Variants in EEFSEC observed in about 807,000 individuals in gnomAD.
EEFSEC encodes the protein eukaryotic elongation factor, selenocysteine-tRNA specific.
In EEFSEC, 43 loss-of-function variants were observed where a neutral mutation model predicts 42.1. That is an observed-to-expected ratio of 1.02 (90% CI 0.80 to 1.32). The LOEUF (loss-of-function observed/expected upper bound fraction) is 1.32. Among genes scored for constraint, EEFSEC ranks in the 40% most tolerant of loss-of-function variants. The pLI, the probability that EEFSEC is intolerant of heterozygous loss-of-function variation, is 0.00. For synonymous variants in EEFSEC, 354 were observed against 339.1 expected (o/e 1.04, Z -0.48); for missense variants, 745 against 803.6 (o/e 0.93, Z 0.88).
In EEFSEC at chr3:128,399,862, G is replaced by A. The variant is rs147075975; in HGVS notation, c.1601-8207G>A. 4.6e-5 allele frequency among the ~76,000 whole-genome samples: 7 copies of A among 152,118 alleles called. No homozygotes were observed. In the East Asian group the frequency reaches 5.8e-4, roughly 13 times the overall value. On this transcript the variant is annotated intron_variant, in intron 6 of 6. Transcript: ENST00000254730. ...CCCTCATCGCCTCTGCCTGTCCTCC[G>A]GGCCCGGGCTGCCCTGCCCTGCTAG...
At chr3:128,215,843 G>A (rs574893189) in intron 1 of EEFSEC, among the ~76,000 whole-genome samples, 1 of 152,152 alleles carries the variant, frequency 6.6e-6, no homozygotes, top group Non-Finnish European at 1.5e-5. Context: ...TTTCTGCCAA[G>A]TTTGCCCCTC....
intron 4 of EEFSEC, among the ~76,000 whole-genome samples, chr3:128,300,511 C>G (rs182181731): frequency 1.2e-3 from 168 of 145,740 alleles, no homozygotes; most frequent in African/African-American, 4.2e-3. Context: ...GAGAATCACT[C>G]CAGCTTGGTG....
At chr3:128,194,895 A>AT (rs961019944) in intron 1 of EEFSEC, among the ~76,000 whole-genome samples, 10 of 152,096 alleles carry the variant, frequency 6.6e-5, no homozygotes, top group African/African-American at 2.4e-4. Flanking sequence ...TTTATAAAGA[A>AT]TTTTTTTTCC....
chr3:128,245,367 G>T (rs1003075054), intron 1 of EEFSEC, among the ~76,000 whole-genome samples: 6 of 152,222 alleles, frequency 3.9e-5, no homozygotes, highest in African/African-American at 9.7e-5. Flanking sequence ...TAGAGTCAGT[G>T]TCCATCCCCT....
At chr3:128,207,686 A>G (rs2065713415) in intron 1 of EEFSEC, among the ~76,000 whole-genome samples, 1 of 152,164 alleles carries the variant, frequency 6.6e-6, no homozygotes, top group African/African-American at 2.4e-5. Context: ...CAAAGCAGGA[A>G]CACAGGGTGC....
intron 6 of EEFSEC, among the ~76,000 whole-genome samples, chr3:128,385,399 G>T (rs536461445): frequency 8.5e-5 from 13 of 152,196 alleles, no homozygotes; most frequent in Admixed American, 8.5e-4. Context: ...GCTGCCCTGG[G>T]AATGCAGGCC....
At chr3:128,272,958 T>C (rs1246738005) in intron 4 of EEFSEC, among the ~76,000 whole-genome samples, 2 of 152,192 alleles carry the variant, frequency 1.3e-5, no homozygotes, top group Admixed American at 6.5e-5. Context: ...TGGACTATGT[T>C]TGAGTCCTGC....
intron 6 of EEFSEC, among the ~76,000 whole-genome samples, chr3:128,388,730 C>T (rs111640630): frequency 1.2e-4 from 19 of 152,368 alleles, no homozygotes; most frequent in African/African-American, 2.6e-4. Context: ...CCGGCCAGAG[C>T]GTCTAGCAGA....
chr3:128,223,982 TAA>T (rs11410600), intron 1 of EEFSEC, among the ~76,000 whole-genome samples: 3 of 151,556 alleles, frequency 2.0e-5, no homozygotes, highest in South Asian at 2.1e-4. Context: ...ATGTTCCATT[TAA>T]AAAAAAAACA....
intron 6 of EEFSEC, among the ~76,000 whole-genome samples, chr3:128,363,400 A>T (rs190790759): frequency 1.3e-5 from 2 of 152,342 alleles, no homozygotes; most frequent in Admixed American, 1.3e-4. Flanking sequence ...ACTCTGCTCG[A>T]GACTCCCCAC....
At chr3:128,308,882 C>T (rs1268379886) in intron 4 of EEFSEC, among the ~76,000 whole-genome samples, 1 of 152,198 alleles carries the variant, frequency 6.6e-6, no homozygotes. Context: ...TTAGCTTCCC[C>T]GTCTGTGAAA....
rs56814892 is a variant in EEFSEC, at chr3:128,399,596, C to G, written c.1601-8473C>G. ...AGAGAAAACCAAGGAGCCGGCCCCC[C>G]CCAGCCAGCGACGTTAAAGGCTTTA... is the stretch of plus-strand genomic sequence containing the variant. On this transcript the variant is annotated intron_variant, in intron 6 of 6. Coordinates refer to ENST00000254730, the MANE Select transcript of EEFSEC (RefSeq NM_021937.5). 5.0e-4 allele frequency among the ~76,000 whole-genome samples: 76 copies of G among 152,136 alleles called. No homozygotes were observed. In the East Asian group the frequency reaches 8.3e-3, roughly 17 times the overall value.
rs2066778681 is a variant in EEFSEC at position 128,302,400 on chromosome 3, A to G, written c.786+37619A>G. On this transcript the variant is annotated intron_variant, in intron 4 of 6. Coordinates refer to ENST00000254730, the MANE Select transcript of EEFSEC (RefSeq NM_021937.5). The stretch of plus-strand genomic sequence containing the variant: ...GTTAGTGCCCCTTGTCTGGTGCTTC[A>G]GATGGTAGGAGAGGTTGATCCTGCA... Among the ~76,000 whole-genome samples, 5 of 152,216 alleles carry G rather than the reference A, an allele frequency of 3.3e-5. No individual in the cohort carries two copies. The South Asian group carries it at 6.2e-4, about 19-fold the overall frequency.
At chr3:128,228,199 CA>C (rs2065926519) in intron 1 of EEFSEC, among the ~76,000 whole-genome samples, 1 of 152,154 alleles carries the variant, frequency 6.6e-6, no homozygotes, top group African/African-American at 2.4e-5. Flanking sequence ...TAAGGTGGCC[CA>C]GGTCCCTGTC....
At chr3:128,323,934 T>A (rs2067035677) in intron 4 of EEFSEC, among the ~76,000 whole-genome samples, 1 of 152,192 alleles carries the variant, frequency 6.6e-6, no homozygotes, top group South Asian at 2.1e-4. Flanking sequence ...TCCCCCCCTG[T>A]GGCAGGGGCT....
chr3:128,376,710 A>G (rs1277189083), intron 6 of EEFSEC, among the ~76,000 whole-genome samples: 1 of 152,154 alleles, frequency 6.6e-6, no homozygotes, highest in African/African-American at 2.4e-5. Flanking sequence ...TGTGTGGTGG[A>G]AAGATGATCC....
intron 6 of EEFSEC, among the ~76,000 whole-genome samples, chr3:128,365,779 C>A (rs1384829941): frequency 6.6e-6 from 1 of 152,242 alleles, no homozygotes; most frequent in Non-Finnish European, 1.5e-5. Context: ...GGCTGTGCCA[C>A]AAGGACCTCT....
At chr3:128,376,900 G>A (rs1256011074) in intron 6 of EEFSEC, among the ~76,000 whole-genome samples, 4 of 152,150 alleles carry the variant, frequency 2.6e-5, no homozygotes, top group Non-Finnish European at 5.9e-5. Context: ...CACACTGTGG[G>A]CTAATTTCCC....
chr3:128,241,996 T>A (rs908812432), intron 1 of EEFSEC, among the ~76,000 whole-genome samples: 3 of 152,196 alleles, frequency 2.0e-5, no homozygotes, highest in Non-Finnish European at 4.4e-5. Flanking sequence ...CATTGTTCAA[T>A]GAATATTTAA....
Sources: gnomAD v4.1 joint callset for allele counts (sites outside exome capture counted in the v4.1 genomes callset) on GRCh38, gnomAD v4.1.1 for gene constraint, MANE v1.5 for transcripts, NCBI Gene and HGNC (gene_info 2026-07-23, HGNC 2026-07-21) for gene names.